PREP: variants seen among roughly 807,000 people sequenced by gnomAD.
The protein encoded by PREP is prolyl endopeptidase, also known as dJ355L5.1 (prolyl endopeptidase).
A neutral mutation model predicts 87.6 loss-of-function variants in PREP; 29 were observed. That is an observed-to-expected ratio of 0.33 (90% CI 0.25 to 0.45). PREP has a LOEUF of 0.45. Ranked by LOEUF, PREP falls within the 20% of genes least tolerant of loss-of-function variation. The probability of loss-of-function intolerance (pLI) is 1.00; values close to 1 mark genes in which losing one functional copy is unlikely to be tolerated. For synonymous variants in PREP, 337 were observed against 328.6 expected, an observed-to-expected ratio of 1.03 and a Z score of -0.28; for missense variants, 695 against 886.5, an observed-to-expected ratio of 0.78 and a Z score of 2.74.
chr6:105,337,302 T>C (rs1771507151), intron 7 of PREP, among the ~76,000 whole-genome samples: 1 of 152,234 alleles, frequency 6.6e-6, no homozygotes, highest in South Asian at 2.1e-4. Context: ...CTTTCAGAGA[T>C]GCACATTTCC....
rs1360138076 is a variant in PREP at position 105,275,721 on chromosome 6, G to A, written c.*2423C>T. On this transcript the variant is annotated 3_prime_UTR_variant, in exon 15 of 15. Transcript: ENST00000652536. ...CAGATGAACAGATGAAGAAAATGTG[G>A]TACATATATACAATGGAATATGATT... is the stretch of plus-strand genomic sequence containing the variant. Among the ~76,000 whole-genome samples, 1 of 152,152 alleles carries A rather than the reference G, an allele frequency of 6.6e-6. No homozygotes were observed. Among genetic ancestry groups the A allele is most frequent in the African/African-American group, 2.4e-5 (1 of 41,442 alleles).
At chr6:105,323,826 C>T (rs1771080672) in intron 9 of PREP, 58 bp from the exon 10 acceptor site, 9 of 1,401,752 alleles carry the variant, frequency 6.4e-6, no homozygotes, top group Non-Finnish European at 9.1e-6. Context: ...TCAAAGGGGG[C>T]AAGGATCACA....
chr6:105,400,580 C>CG (rs1773401487), intron 1 of PREP, among the ~76,000 whole-genome samples: 1 of 152,188 alleles, frequency 6.6e-6, no homozygotes, highest in African/African-American at 2.4e-5. Flanking sequence ...AATGCCTCCC[C>CG]CTCCTGATGG....
At position 105,277,730 on chromosome 6, in the gene PREP, T is replaced by TAAC. The variant is rs1317605376; in HGVS notation, c.*411_*413dup. On this transcript the variant is annotated 3_prime_UTR_variant, in exon 15 of 15. Transcript: ENST00000652536. ...GAAGTAAAAGCCTGTCATTCTTAAA[T>TAAC]AACATTTATTATTGTTGCAAAGAAG... is the stretch of plus-strand genomic sequence containing the variant. 1 of 162,646 alleles carries TAAC rather than the reference T, an allele frequency of 6.1e-6. No individual in the cohort carries two copies. Among genetic ancestry groups the TAAC allele is most frequent in the African/African-American group, 2.4e-5 (1 of 41,688 alleles). 10.1% of individuals were successfully genotyped at this position (162,646 alleles called of 1,614,324 possible).
chr6:105,363,391 G>A (rs1195081465), intron 6 of PREP, among the ~76,000 whole-genome samples: 1 of 152,060 alleles, frequency 6.6e-6, no homozygotes, highest in Non-Finnish European at 1.5e-5. Context: ...GAGCTTTGTG[G>A]GTTTTTGGGT....
At chr6:105,343,423 C>G (rs1271733820) in intron 7 of PREP, among the ~76,000 whole-genome samples, 1 of 152,040 alleles carries the variant, frequency 6.6e-6, no homozygotes. Flanking sequence ...CCATAAAAAC[C>G]CTAGAAGAAA....
intron 2 of PREP, among the ~76,000 whole-genome samples, chr6:105,386,069 G>A (rs968132757): frequency 3.3e-5 from 5 of 152,142 alleles, no homozygotes; most frequent in African/African-American, 9.7e-5. Flanking sequence ...GCAGTGAGCC[G>A]AGATAGCACC....
At chr6:105,305,839 C>G (rs914859897) in intron 10 of PREP, among the ~76,000 whole-genome samples, 1 of 74,886 alleles carries the variant, frequency 1.3e-5, no homozygotes. Flanking sequence ...CAGATATATC[C>G]TTTTCTTTTT....
At position 105,332,538 on chromosome 6, in the gene PREP, A is replaced by T. The variant is rs183695796; in HGVS notation, c.1015+776T>A. Among the ~76,000 whole-genome samples, 7 of 152,258 alleles carry T rather than the reference A, an allele frequency of 4.6e-5. No individual in the cohort carries two copies. In the East Asian group the frequency reaches 1.4e-3, roughly 29 times the overall value. On this transcript the variant is annotated intron_variant, in intron 8 of 14. Transcript: ENST00000652536. ...ATATACCATATATTTTGCATTTCTA[A>T]ATGGTCCTATTTTATCCTCAATCTA...
intron 13 of PREP, among the ~76,000 whole-genome samples, 158 bp downstream of exon 13, chr6:105,282,293 A>AGAT (rs1380705046): frequency 1.3e-5 from 2 of 152,238 alleles, no homozygotes; most frequent in African/African-American, 2.4e-5. Context: ...GTCATTTATC[A>AGAT]GATACCCAAA....
chr6:105,385,018 AAC>A (rs1223329770), intron 2 of PREP, among the ~76,000 whole-genome samples: 10 of 152,266 alleles, frequency 6.6e-5, no homozygotes, highest in African/African-American at 2.4e-4. Flanking sequence ...AAAGTGTCCT[AAC>A]ACAGCTTTCC....
intron 10 of PREP, among the ~76,000 whole-genome samples, chr6:105,296,191 C>T (rs1770406471): frequency 6.6e-6 from 1 of 152,166 alleles, no homozygotes; most frequent in Admixed American, 6.5e-5. Flanking sequence ...CAAACACTGC[C>T]ATTTCCTTAC....
chr6:105,389,256 C>A (rs1488848786), intron 2 of PREP, among the ~76,000 whole-genome samples: 2 of 152,062 alleles, frequency 1.3e-5, no homozygotes, highest in Non-Finnish European at 2.9e-5. Flanking sequence ...TAACTGGGAG[C>A]TAAATTAATG....
chr6:105,309,195 C>T (rs1617445), intron 10 of PREP, among the ~76,000 whole-genome samples: 67,825 of 151,914 alleles, frequency 0.45, 20,152 homozygotes, highest in African/African-American at 0.86. Context: ...AATGTGATCA[C>T]GAGGGCTAGG....
At chr6:105,373,682 G>T in intron 4 of PREP, 104 bp from the exon 5 acceptor site, 1 of 1,160,332 alleles carries the variant, frequency 8.6e-7, no homozygotes, top group Non-Finnish European at 1.2e-6. Flanking sequence ...GAGGTAGAAT[G>T]TGGCAATAAA....
intron 2 of PREP, among the ~76,000 whole-genome samples, chr6:105,379,774 G>A (rs1291128701): frequency 6.6e-6 from 1 of 151,684 alleles, no homozygotes; most frequent in African/African-American, 2.4e-5. Flanking sequence ...GTGGCATTGT[G>A]GATGGATAAG....
chr6:105,311,381 C>A (rs981305891), intron 10 of PREP, among the ~76,000 whole-genome samples: 5 of 152,118 alleles, frequency 3.3e-5, no homozygotes, highest in African/African-American at 1.2e-4. Context: ...CTCTTAGGTC[C>A]TCTCTGAGAC....
intron 9 of PREP, 21 bp from the exon 10 acceptor site, chr6:105,323,789 T>C: frequency 4.4e-6 from 7 of 1,579,114 alleles, no homozygotes; most frequent in Non-Finnish European, 5.2e-6. Flanking sequence ...GAATAAGGCT[T>C]GGTTTAGTCT....
chr6:105,288,862 A>C lies in PREP; in HGVS notation c.1350T>G (p.Ile450Met). ...CTTTTTTATGCACAATGAACATTGG[A>C]ATCTTCGTACCATCCTTGCTAGGGT... Reference protein sequence around the residue: ...IFYPSKDGTKIPMFIVHKKGI... With the variant: ...IFYPSKDGTKMPMFIVHKKGI... The change falls in exon 11 of 15, where the codon ATT (isoleucine) becomes ATG (methionine). Residue 450 changes from isoleucine to methionine, a missense_variant. By Grantham distance (10) the Ile-to-Met change is conservative. Around this residue, in one of 5 missense-constraint regions of PREP, gnomAD observed 517 missense variants for 620.3 expected, o/e 0.83. Transcript: ENST00000652536. The C allele has an allele frequency of 6.2e-7, 1 of 1,613,516 alleles. No homozygotes were observed. The highest frequency in any genetic ancestry group is 1.1e-5 in the South Asian group (1 of 91,076).
Sources: gnomAD v4.1 joint callset for allele counts (sites outside exome capture counted in the v4.1 genomes callset) on GRCh38, gnomAD v4.1.1 for gene constraint, gnomAD v4.1.1 regional missense constraint, MANE v1.5 for transcripts, NCBI Gene and HGNC (gene_info 2026-07-23, HGNC 2026-07-21) for gene names.